Variants in CDH18 observed in about 807,000 individuals in gnomAD.
CDH18 encodes the protein cadherin-18.
CDH18 carries 31 observed loss-of-function variants against 67.9 expected under a neutral mutation model. The ratio of observed to expected loss-of-function variants is 0.46; its 90% CI spans 0.34 to 0.62. The LOEUF (loss-of-function observed/expected upper bound fraction) is 0.62, where lower values mean the gene tolerates loss of function less well. CDH18 is among the 20% of genes least tolerant of loss of function. The pLI, the probability that CDH18 is intolerant of heterozygous loss-of-function variation, is 0.01. For missense variants in CDH18, 890 were observed against 975.5 expected, an observed-to-expected ratio of 0.91 and a Z score of 1.17; for synonymous variants, 362 against 347.2, an observed-to-expected ratio of 1.04 and a Z score of -0.48.
intron 2 of CDH18, among the ~76,000 whole-genome samples, chr5:19,943,079 T>A (rs1347228426): frequency 2.0e-5 from 3 of 152,112 alleles, no homozygotes; most frequent in Non-Finnish European, 4.4e-5. Context: ...GAAACAGTGA[T>A]CATAATATAA....
Position 19,476,074 on chromosome 5 carries a change from A to AAAGG in CDH18, c.1883-2362_1883-2359dup, listed in dbSNP as rs1738412787. On this transcript the variant is annotated intron_variant, in intron 12 of 12. Transcript: ENST00000382275. ...CCAGAGATGGAAAGGAAAGTGAGAGAAAGGGATGGTCACTGTGCACTGGGA... is the reference window on the plus strand; with the variant it reads ...CCAGAGATGGAAAGGAAAGTGAGAGAAAGGAAGGGATGGTCACTGTGCACTGGGA... 2.6e-5 allele frequency among the ~76,000 whole-genome samples: 4 copies of AAAGG among 152,158 alleles called. No individual in the cohort carries two copies. In the South Asian group the frequency reaches 8.3e-4, roughly 31 times the overall value.
At chr5:20,111,062 C>T (rs77204988) in intron 2 of CDH18, among the ~76,000 whole-genome samples, 9,470 of 152,080 alleles carry the variant, frequency 0.062, 319 homozygotes, top group East Asian at 0.14. Flanking sequence ...CTATCAGTTT[C>T]AACTGCTCAT....
In CDH18 at chr5:20,188,773, G is replaced by A. The variant is rs548643099; in HGVS notation, c.-518+66671C>T. 2.8e-5 allele frequency among the ~76,000 whole-genome samples: 4 copies of A among 143,246 alleles called. No individual in the cohort carries two copies. In the South Asian group the frequency reaches 6.8e-4, roughly 24 times the overall value. The allele number at this position is 143,246 out of a possible 152,430, so 94.0% of individuals were successfully genotyped here. A position where few individuals can be genotyped will look rare whatever the true frequency, so the allele number is the denominator to read the frequency against. The stretch of plus-strand genomic sequence containing the variant: ...AAGCACAAAACCATCTGTAATCTAG[G>A]CTTTTGCAGCCATTTTCTTTATTTG... On this transcript the variant is annotated intron_variant, in intron 2 of 14. Transcript: ENST00000507958.
intron 2 of CDH18, among the ~76,000 whole-genome samples, chr5:19,861,139 G>A (rs969617110): frequency 6.6e-6 from 1 of 152,126 alleles, no homozygotes; most frequent in East Asian, 1.9e-4. Context: ...GCAAGTGAAG[G>A]TCTCAGTGCC....
At chr5:20,568,921 A>T (rs1758659988) in intron 1 of CDH18, among the ~76,000 whole-genome samples, 1 of 152,098 alleles carries the variant, frequency 6.6e-6, no homozygotes. Flanking sequence ...TCTAACTCGG[A>T]TTTTCTTCCT....
intron 1 of CDH18, among the ~76,000 whole-genome samples, chr5:20,569,287 A>G (rs1758678230): frequency 6.6e-6 from 1 of 152,204 alleles, no homozygotes; most frequent in African/African-American, 2.4e-5. Context: ...AATCATTTAT[A>G]TAGCTTGTAC....
intron 1 of CDH18, among the ~76,000 whole-genome samples, chr5:20,515,800 T>A (rs999094626): frequency 3.3e-5 from 5 of 152,048 alleles, no homozygotes; most frequent in Admixed American, 2.6e-4. Flanking sequence ...CGATGCCAGT[T>A]TTATAGCTTC....
chr5:19,996,320 C>A, intron 2 of CDH18, among the ~76,000 whole-genome samples: 1 of 151,974 alleles, frequency 6.6e-6, no homozygotes, highest in East Asian at 1.9e-4. Flanking sequence ...AGTAAATTAT[C>A]AGCATTATAT....
At chr5:20,552,109 T>C (rs145607005) in intron 1 of CDH18, among the ~76,000 whole-genome samples, 1 of 152,086 alleles carries the variant, frequency 6.6e-6, no homozygotes, top group East Asian at 1.9e-4. Context: ...AAAGATTTGC[T>C]AGCAAAATGT....
chr5:20,045,710 T>A (rs1453798052), intron 2 of CDH18, among the ~76,000 whole-genome samples: 2 of 151,926 alleles, frequency 1.3e-5, no homozygotes, highest in Non-Finnish European at 1.5e-5. Context: ...GTCATTAAGA[T>A]CCTCTCACCT....
intron 11 of CDH18, among the ~76,000 whole-genome samples, chr5:19,492,142 A>G (rs115345787): frequency 2.1e-3 from 324 of 152,262 alleles, no homozygotes; most frequent in African/African-American, 7.5e-3. Flanking sequence ...AGAGATAGAA[A>G]TGCACACACA....
chr5:20,572,488 T>C (rs1037587835), intron 1 of CDH18, among the ~76,000 whole-genome samples: 1 of 152,166 alleles, frequency 6.6e-6, no homozygotes, highest in Non-Finnish European at 1.5e-5. Context: ...AAAGATTATA[T>C]ACAAGAATAT....
chr5:20,169,483 AAGTAGT>A (rs1267989278), intron 2 of CDH18, among the ~76,000 whole-genome samples: 1 of 152,150 alleles, frequency 6.6e-6, no homozygotes, highest in Admixed American at 6.6e-5. Flanking sequence ...TAAGTAAAGA[AAGTAGT>A]AGTTCCTTGA....
chr5:19,873,848 A>T (rs537342113), intron 2 of CDH18, among the ~76,000 whole-genome samples: 1 of 152,180 alleles, frequency 6.6e-6, no homozygotes, highest in African/African-American at 2.4e-5. Context: ...GGGTTTCACC[A>T]TGTTGCCCAG....
intron 9 of CDH18, among the ~76,000 whole-genome samples, chr5:19,536,432 T>A (rs984200621): frequency 6.6e-6 from 1 of 152,186 alleles, no homozygotes; most frequent in Admixed American, 6.5e-5. Context: ...GAGACTATGA[T>A]GAAAAGCGTA....
intron 2 of CDH18, among the ~76,000 whole-genome samples, chr5:20,018,580 A>T (rs1367665361): frequency 6.6e-6 from 1 of 151,472 alleles, no homozygotes; most frequent in African/African-American, 2.5e-5. Context: ...AGAAAATGAT[A>T]AAAAATATGA....
intron 1 of CDH18, among the ~76,000 whole-genome samples, chr5:20,429,679 A>G (rs1015295988): frequency 6.6e-6 from 1 of 152,214 alleles, no homozygotes; most frequent in African/African-American, 2.4e-5. Context: ...AGCTACTTTG[A>G]GCAAGTAAGA....
chr5:20,258,200 C>A (rs751947246), intron 1 of CDH18, among the ~76,000 whole-genome samples: 9 of 151,666 alleles, frequency 5.9e-5, no homozygotes, highest in Non-Finnish European at 7.4e-5. Context: ...TAGAACCAGG[C>A]CAAATAAAAA....
In CDH18 at chr5:19,568,838, T is replaced by G. The variant is rs189771223; in HGVS notation, c.1253+2741A>C. Among the ~76,000 whole-genome samples the G allele has an allele frequency of 1.4e-3, 216 of 152,286 alleles. 2 individuals are homozygous for G. The highest frequency in any genetic ancestry group is 4.9e-3 in the African/African-American group (202 of 41,564). Reference sequence around the variant, plus strand: ...GGTAATTTGTTATAGCAGCGTAAAGTGACTAAGACACTATCCCAAGATGTA... The same window carrying G: ...GGTAATTTGTTATAGCAGCGTAAAGGGACTAAGACACTATCCCAAGATGTA... On this transcript the variant is annotated intron_variant, in intron 8 of 12. Transcript: ENST00000382275.
Sources: allele counts gnomAD v4.1 joint callset (sites outside exome capture counted in the v4.1 genomes callset), GRCh38; gene constraint gnomAD v4.1.1; transcripts MANE v1.5; gene names NCBI Gene and HGNC (gene_info 2026-07-23, HGNC 2026-07-21).